Variants in SLC4A10 observed in about 807,000 individuals in gnomAD.
The protein encoded by SLC4A10 is solute carrier family 4 member 10.
SLC4A10 carries 42 observed loss-of-function variants against 137.7 expected under a neutral mutation model. That is an observed-to-expected ratio of 0.30 (90% CI 0.24 to 0.39). The LOEUF is 0.39. Among genes scored for constraint, SLC4A10 ranks in the 10% least tolerant of loss-of-function variants. The pLI, the probability that SLC4A10 is intolerant of heterozygous loss-of-function variation, is 1.00. For missense variants in SLC4A10, 925 were observed against 1,355.0 expected (o/e 0.68, Z 4.98); for synonymous variants, 474 against 464.1 (o/e 1.02, Z -0.27).
intron 6 of SLC4A10, among the ~76,000 whole-genome samples, chr2:161,867,143 A>C (rs927156711): frequency 6.6e-6 from 1 of 151,940 alleles, no homozygotes; most frequent in African/African-American, 2.4e-5. Context: ...AGGCCTGGGT[A>C]GATTTCAGCC....
At chr2:161,852,002 A>T (rs542861041) in intron 4 of SLC4A10, among the ~76,000 whole-genome samples, 2 of 152,136 alleles carry the variant, frequency 1.3e-5, no homozygotes, top group African/African-American at 2.4e-5. Context: ...CAATCCTGCC[A>T]TCTTAGCCTT....
chr2:161,646,100 C>T (rs2035993033), intron 1 of SLC4A10, among the ~76,000 whole-genome samples: 2 of 151,978 alleles, frequency 1.3e-5, no homozygotes, highest in South Asian at 4.1e-4. Flanking sequence ...AGGTTTTCAG[C>T]TTCTAGTGCT....
Position 161,835,367 on chromosome 2 carries a change from A to G in SLC4A10, c.278-4422A>G, listed in dbSNP as rs1244230655. On this transcript the variant is annotated intron_variant, in intron 3 of 26. Transcript: ENST00000446997. ...TGCATGTCTTATGTCCAAATCATGC[A>G]TTATTTTCCCTCCCTATCCAAAATA... Among the ~76,000 whole-genome samples the G allele has an allele frequency of 2.6e-5, 4 of 152,128 alleles. No individual in the cohort carries two copies. The East Asian group carries it at 7.7e-4, about 29-fold the overall frequency.
intron 2 of SLC4A10, among the ~76,000 whole-genome samples, chr2:161,802,874 C>T (rs570889442): frequency 7.9e-5 from 12 of 152,038 alleles, no homozygotes; most frequent in Non-Finnish European, 1.5e-4. Flanking sequence ...CAGCCCCACT[C>T]CTATGGCCTC....
At chr2:161,953,355 A>G (rs1695115913) in intron 19 of SLC4A10, among the ~76,000 whole-genome samples, 1 of 152,172 alleles carries the variant, frequency 6.6e-6, no homozygotes, top group Non-Finnish European at 1.5e-5. Context: ...CACGCCTGTA[A>G]TCCCAGCACT....
chr2:161,660,348 G>C (rs569659727), intron 1 of SLC4A10, among the ~76,000 whole-genome samples: 4 of 152,016 alleles, frequency 2.6e-5, no homozygotes, highest in Non-Finnish European at 5.9e-5. Flanking sequence ...ACATTTTATC[G>C]TGTGGCACGT....
chr2:161,644,213 A>T (rs945956954), intron 1 of SLC4A10, among the ~76,000 whole-genome samples: 5 of 152,106 alleles, frequency 3.3e-5, no homozygotes, highest in African/African-American at 1.2e-4. Flanking sequence ...AAACAATAAC[A>T]CGACTGGGCA....
intron 1 of SLC4A10, among the ~76,000 whole-genome samples, chr2:161,662,359 T>C (rs539388570): frequency 1.3e-5 from 2 of 152,288 alleles, no homozygotes; most frequent in South Asian, 4.1e-4. Flanking sequence ...TTAGTGTGTA[T>C]TTAAAAGAGT....
chr2:161,764,145 G>A (rs970914323), intron 1 of SLC4A10, among the ~76,000 whole-genome samples: 17 of 152,194 alleles, frequency 1.1e-4, no homozygotes, highest in Middle Eastern at 6.8e-3. Flanking sequence ...GAATTATGGC[G>A]CATCCATACC....
At chr2:161,798,360 T>C (rs1488981223) in intron 2 of SLC4A10, among the ~76,000 whole-genome samples, 1 of 151,916 alleles carries the variant, frequency 6.6e-6, no homozygotes, top group Non-Finnish European at 1.5e-5. Context: ...TAGAGTTCTC[T>C]TCAAGAGTAG....
intron 23 of SLC4A10, among the ~76,000 whole-genome samples, chr2:161,972,052 AC>A (rs1243124826): frequency 1.3e-5 from 2 of 152,174 alleles, no homozygotes; most frequent in African/African-American, 4.8e-5. Flanking sequence ...CACTGACGGC[AC>A]TGTTCTTCTC....
chr2:161,963,057 G>A (rs1443922665), intron 21 of SLC4A10, among the ~76,000 whole-genome samples: 2 of 151,960 alleles, frequency 1.3e-5, no homozygotes, highest in Non-Finnish European at 2.9e-5. Context: ...CTAAATAATC[G>A]CCTCTAGTTG....
chr2:161,953,026 C>T (rs184480436), intron 19 of SLC4A10, among the ~76,000 whole-genome samples: 1 of 152,284 alleles, frequency 6.6e-6, no homozygotes, highest in Non-Finnish European at 1.5e-5. Flanking sequence ...CTTGTGAAAG[C>T]ATTTTCAGCT....
At chr2:161,708,222 T>A (rs1031244401) in intron 1 of SLC4A10, among the ~76,000 whole-genome samples, 1 of 151,522 alleles carries the variant, frequency 6.6e-6, no homozygotes, top group Non-Finnish European at 1.5e-5. Flanking sequence ...TAAGTGATGA[T>A]ATTCAGAGTT....
rs779738705 is a variant in SLC4A10, at chr2:161,957,234, T to C, written c.2787T>C (p.Ile929=). The C allele has an allele frequency of 3.7e-6, 6 of 1,612,126 alleles. No individual in the cohort carries two copies. The South Asian group carries it at 5.5e-5, about 15-fold the overall frequency. ...GTTCATCAGTCTTTATGACCAGTAT[T>C]CTGAAGGTAACAAAATCTGTCTTTA... ...LMGSSVFMTS[I]LKFIPMPVLY... is the part of the protein sequence containing the mutation. The change falls in exon 20 of 27, where the codon ATT becomes ATC. Residue 929 remains isoleucine (I), a synonymous_variant. Coordinates refer to ENST00000446997, the MANE Select transcript of SLC4A10 (RefSeq NM_001178015.2).
chr2:161,904,940 C>A (rs1344224748), intron 14 of SLC4A10, 31 bp downstream of exon 14: 1 of 1,609,728 alleles, frequency 6.2e-7, no homozygotes, highest in Non-Finnish European at 8.5e-7. Flanking sequence ...GGCCCTTAGC[C>A]TCTTCCTTTT....
In SLC4A10 at chr2:161,894,667, T is replaced by C; in HGVS notation, c.1195-12T>C. The C allele has an allele frequency of 7.6e-7, 1 of 1,319,700 alleles. No homozygotes were observed. Among genetic ancestry groups the C allele is most frequent in the Non-Finnish European group, 9.9e-7 (1 of 1,011,946 alleles). The allele number at this position is 1,319,700 out of a possible 1,614,324, so 81.7% of individuals were successfully genotyped here. A position where few individuals can be genotyped will look rare whatever the true frequency, so the allele number is the denominator to read the frequency against. ...TTTTAAGCTATAAATAATATTTCTATTTCTTCTAAAGGTATTTCATGATGT... is the reference window on the plus strand; with the variant it reads ...TTTTAAGCTATAAATAATATTTCTACTTCTTCTAAAGGTATTTCATGATGT... On this transcript the variant is annotated splice_polypyrimidine_tract_variant and intron_variant, in intron 10 of 26. Transcript: ENST00000446997.
intron 3 of SLC4A10, among the ~76,000 whole-genome samples, chr2:161,837,007 A>G (rs2058859372): frequency 6.6e-6 from 1 of 152,218 alleles, no homozygotes; most frequent in Non-Finnish European, 1.5e-5. Flanking sequence ...AGGGAAACTG[A>G]CATCATACTT....
intron 1 of SLC4A10, among the ~76,000 whole-genome samples, chr2:161,666,801 A>G (rs2039094936): frequency 1.3e-5 from 2 of 151,422 alleles, no homozygotes; most frequent in South Asian, 2.1e-4. Flanking sequence ...CTTGAAAGAA[A>G]CAATGTAATT....
Sources: gnomAD v4.1 joint callset for allele counts (sites outside exome capture counted in the v4.1 genomes callset) on GRCh38, gnomAD v4.1.1 for gene constraint, MANE v1.5 for transcripts, NCBI Gene and HGNC (gene_info 2026-07-23, HGNC 2026-07-21) for gene names.